The following SGCZ variants were observed in gnomAD, a reference collection of about 807,000 sequenced individuals.
SGCZ encodes the protein sarcoglycan zeta, also known as zeta-sarcoglycan.
SGCZ carries 40 observed loss-of-function variants against 41.3 expected under a neutral mutation model. That is an observed-to-expected ratio of 0.97 (90% CI 0.75 to 1.26). SGCZ has a LOEUF of 1.26. Ranked by LOEUF, SGCZ falls within the 50% of genes most tolerant of loss-of-function variation. The pLI is 0.00. For synonymous variants in SGCZ, 206 were observed against 137.5 expected (o/e 1.50, Z -3.49); for missense variants, 552 against 369.8 (o/e 1.49, Z -4.04).
intron 5 of SGCZ, among the ~76,000 whole-genome samples, chr8:14,138,136 A>G (rs1803258472): frequency 6.6e-6 from 1 of 152,174 alleles, no homozygotes; most frequent in Non-Finnish European, 1.5e-5. Flanking sequence ...ATGCTGACAG[A>G]TTTTGTCACC....
intron 2 of SGCZ, among the ~76,000 whole-genome samples, chr8:14,549,910 A>G (rs982172301): frequency 6.6e-6 from 1 of 152,038 alleles, no homozygotes; most frequent in Non-Finnish European, 1.5e-5. Context: ...AATTGTTAAG[A>G]GTTAAGTTGG....
At chr8:15,074,788 G>A (rs745838370) in intron 1 of SGCZ, among the ~76,000 whole-genome samples, 3 of 151,962 alleles carry the variant, frequency 2.0e-5, no homozygotes, top group East Asian at 3.9e-4. Context: ...ATATTCATGC[G>A]TGGAATACAT....
chr8:14,610,885 A>G (rs941850515), intron 1 of SGCZ, among the ~76,000 whole-genome samples: 1 of 152,158 alleles, frequency 6.6e-6, no homozygotes, highest in East Asian at 1.9e-4. Context: ...ATATTCAGAT[A>G]ATATTTATGG....
chr8:14,676,341 A>C (rs1808276931), intron 1 of SGCZ, among the ~76,000 whole-genome samples: 1 of 74,724 alleles, frequency 1.3e-5, no homozygotes, highest in South Asian at 4.4e-4. Context: ...ACAAAAATGA[A>C]ATAGATGTGT....
rs114476759 is a variant in SGCZ, at chr8:14,670,514, C to G, written c.40-115588G>C. Among the ~76,000 whole-genome samples the G allele has an allele frequency of 2.1e-3, 326 of 152,222 alleles. 1 individual carries two copies. The highest frequency in any genetic ancestry group is 6.8e-3 in the Middle Eastern group (2 of 294). ...GTCTGTTATTTAGTCTGTTATTATACTAAGACTTCCTAATGATAATAGCAA... is the reference window on the plus strand; with the variant it reads ...GTCTGTTATTTAGTCTGTTATTATAGTAAGACTTCCTAATGATAATAGCAA... On this transcript the variant is annotated intron_variant, in intron 1 of 7. Transcript: ENST00000382080.
chr8:14,244,735 T>C (rs548597545), intron 3 of SGCZ, among the ~76,000 whole-genome samples: 1 of 152,068 alleles, frequency 6.6e-6, no homozygotes, highest in Admixed American at 6.6e-5. Flanking sequence ...GCATGGAATG[T>C]TCTTCCATTT....
chr8:15,057,059 G>A (rs1804734850), intron 1 of SGCZ, among the ~76,000 whole-genome samples: 2 of 152,198 alleles, frequency 1.3e-5, no homozygotes, highest in African/African-American at 4.8e-5. Context: ...GGGCCGCAGT[G>A]CCCTTAATTG....
intron 2 of SGCZ, among the ~76,000 whole-genome samples, chr8:14,392,477 C>G (rs377278630): frequency 6.6e-6 from 1 of 152,052 alleles, no homozygotes; most frequent in African/African-American, 2.4e-5. Flanking sequence ...AGTAGAAATA[C>G]GGTATTTGCT....
chr8:14,831,832 A>G (rs1350780188), intron 1 of SGCZ, among the ~76,000 whole-genome samples: 2 of 152,166 alleles, frequency 1.3e-5, no homozygotes, highest in Admixed American at 6.5e-5. Context: ...ACATGTATAT[A>G]TGTGTGCACA....
intron 2 of SGCZ, among the ~76,000 whole-genome samples, chr8:14,408,948 AGAGAGTGT>A (rs1336823562): frequency 2.3e-3 from 263 of 112,194 alleles, no homozygotes; most frequent in African/African-American, 7.8e-3. Context: ...TTTTAAATTA[AGAGAGTGT>A]GTGTGTGTGT....
chr8:14,857,844 T>C (rs1422590519), intron 1 of SGCZ, among the ~76,000 whole-genome samples: 1 of 152,070 alleles, frequency 6.6e-6, no homozygotes, highest in African/African-American at 2.4e-5. Context: ...CCAGCCTGGG[T>C]GACAGAGCAA....
intron 1 of SGCZ, among the ~76,000 whole-genome samples, chr8:14,711,545 T>C (rs1033216659): frequency 4.4e-5 from 6 of 137,192 alleles, no homozygotes; most frequent in African/African-American, 1.6e-4. Flanking sequence ...GAGGTTGTAG[T>C]GAGCCAAGAT....
chr8:14,719,353 C>A (rs1226170267), intron 1 of SGCZ, among the ~76,000 whole-genome samples: 1 of 150,206 alleles, frequency 6.7e-6, no homozygotes, highest in Non-Finnish European at 1.5e-5. Context: ...ATTTATAGTC[C>A]TTTGGGTATA....
At chr8:14,103,616 C>G (rs1178012428) in intron 6 of SGCZ, among the ~76,000 whole-genome samples, 1 of 151,906 alleles carries the variant, frequency 6.6e-6, no homozygotes, top group Admixed American at 6.6e-5. Flanking sequence ...AGGAGTAGAG[C>G]CAGCATTGAG....
chr8:14,590,690 C>CAT (rs1805212023), intron 1 of SGCZ, among the ~76,000 whole-genome samples: 1 of 148,564 alleles, frequency 6.7e-6, no homozygotes, highest in South Asian at 2.1e-4. Flanking sequence ...TTTCCTAGTA[C>CAT]ATATATATGT....
chr8:14,839,114 A>G (rs1156362429), intron 1 of SGCZ, among the ~76,000 whole-genome samples: 1 of 152,190 alleles, frequency 6.6e-6, no homozygotes, highest in Non-Finnish European at 1.5e-5. Context: ...GATCGAAAAG[A>G]CTGATGTAAC....
chr8:14,279,065 C>A (rs935992751), intron 3 of SGCZ, among the ~76,000 whole-genome samples: 7 of 152,036 alleles, frequency 4.6e-5, no homozygotes, highest in Non-Finnish European at 1.5e-5. Context: ...TATTGTGCCA[C>A]TTCTCTTACT....
intron 4 of SGCZ, among the ~76,000 whole-genome samples, chr8:14,218,123 A>G (rs1276561149): frequency 6.6e-6 from 1 of 152,212 alleles, no homozygotes; most frequent in Admixed American, 6.5e-5. Context: ...CCCCCTAGGC[A>G]GTATAATAAG....
At chr8:15,222,200 T>C (rs1291911343) in intron 1 of SGCZ, among the ~76,000 whole-genome samples, 1 of 152,182 alleles carries the variant, frequency 6.6e-6, no homozygotes, top group Non-Finnish European at 1.5e-5. Context: ...TAAAAAGTAT[T>C]TGCCTTAAAA....
Sources: allele counts gnomAD v4.1 joint callset (sites outside exome capture counted in the v4.1 genomes callset), GRCh38; gene constraint gnomAD v4.1.1; transcripts MANE v1.5; gene names NCBI Gene and HGNC (gene_info 2026-07-23, HGNC 2026-07-21).